AK8: variants seen among roughly 807,000 people sequenced by gnomAD.
AK8 encodes the protein ATP-AMP transphosphorylase 8.
Under a neutral mutation model 54.6 loss-of-function variants are expected in AK8, and 44 were observed. The observed-to-expected ratio is 0.81, with a 90% CI of 0.63 to 1.04. AK8 has a LOEUF of 1.04. Among genes scored for constraint, AK8 ranks in the 50% least tolerant of loss-of-function variants. The pLI is 0.00. For missense variants in AK8, 555 were observed against 613.6 expected (o/e 0.90, Z 1.01); for synonymous variants, 239 against 245.6 (o/e 0.97, Z 0.25).
intron 10 of AK8, among the ~76,000 whole-genome samples, chr9:132,813,668 G>A (rs1057345986): frequency 1.1e-4 from 16 of 152,174 alleles, no homozygotes; most frequent in African/African-American, 2.7e-4. Context: ...AAGCCCAGCC[G>A]CCAACTGGCT....
At chr9:132,865,631 G>A (rs1168945306) in intron 3 of AK8, among the ~76,000 whole-genome samples, 1 of 151,962 alleles carries the variant, frequency 6.6e-6, no homozygotes, top group African/African-American at 2.4e-5. Flanking sequence ...TGGCCAACAT[G>A]GTGAAACCCC....
chr9:132,766,637 G>GA (rs558196057), intron 11 of AK8, among the ~76,000 whole-genome samples: 2,052 of 146,490 alleles, frequency 0.014, 27 homozygotes, highest in Non-Finnish European at 0.02. Context: ...CACAGAAATA[G>GA]AAAAAAAAAA....
rs956965844 is a variant in AK8 at position 132,823,152 on chromosome 9, G to A, written c.889+53C>T. ...AAATGAGAGCTGGGGAGGAGGGGCA[G>A]GAGGCAGGGAAAGGCTCTCGAAGCT... On this transcript the variant is annotated intron_variant, in intron 9 of 12. Transcript: ENST00000298545. 1.7e-5 allele frequency: 26 copies of A among 1,501,236 alleles called. No homozygotes were observed. In the African/African-American group the frequency reaches 3.6e-4, roughly 21 times the overall value. The allele number at this position is 1,501,236 out of a possible 1,614,324, so 93.0% of individuals were successfully genotyped here. A position where few individuals can be genotyped will look rare whatever the true frequency, so the allele number is the denominator to read the frequency against.
At chr9:132,851,042 G>A (rs1307717386) in intron 5 of AK8, among the ~76,000 whole-genome samples, 2 of 152,206 alleles carry the variant, frequency 1.3e-5, no homozygotes, top group African/African-American at 4.8e-5. Flanking sequence ...AAGTTACCCA[G>A]TAGTAGGCAA....
At chr9:132,727,577 G>C (rs780768256) in intron 11 of AK8, 43 bp from the exon 12 acceptor site, 65 of 1,566,724 alleles carry the variant, frequency 4.1e-5, no homozygotes, top group Non-Finnish European at 5.4e-5. Context: ...TTTATTTCCT[G>C]TATTTTATGA....
rs114886664 is a variant in AK8, at chr9:132,779,728, T to C, written c.1121+12906A>G. The stretch of plus-strand genomic sequence containing the variant: ...AGAGATTATTGTCCCATTTAACAGA[T>C]AAGGAAATTGACGTTAAATGTGTCT... On this transcript the variant is annotated intron_variant, in intron 11 of 12. Transcript: ENST00000298545. Among the ~76,000 whole-genome samples, 420 of 152,302 alleles carry C rather than the reference T, an allele frequency of 2.8e-3. 3 individuals are homozygous for C. The highest frequency in any genetic ancestry group is 9.3e-3 in the African/African-American group (388 of 41,546).
At chr9:132,814,254 G>T (rs903946241) in intron 10 of AK8, among the ~76,000 whole-genome samples, 5 of 118,900 alleles carry the variant, frequency 4.2e-5, no homozygotes, top group Non-Finnish European at 6.5e-5. Flanking sequence ...ACTCCAGTCT[G>T]AGTGACAGAT....
chr9:132,804,226 C>T (rs1368727363), intron 10 of AK8, among the ~76,000 whole-genome samples: 2 of 152,106 alleles, frequency 1.3e-5, no homozygotes, highest in African/African-American at 4.8e-5. Context: ...CTGGGATTGT[C>T]CACACCACAG....
intron 12 of AK8, among the ~76,000 whole-genome samples, chr9:132,727,040 C>T (rs1836608310): frequency 6.6e-6 from 1 of 152,040 alleles, no homozygotes; most frequent in Non-Finnish European, 1.5e-5. Flanking sequence ...CGGAATCTAC[C>T]TCCTGTAACT....
chr9:132,852,502 C>T (rs560225588), intron 5 of AK8, among the ~76,000 whole-genome samples: 4 of 151,270 alleles, frequency 2.6e-5, no homozygotes, highest in Admixed American at 6.6e-5. Flanking sequence ...CCCAGCTACT[C>T]GGGAGGATGA....
chr9:132,762,227 C>T (rs1590210432), intron 11 of AK8, among the ~76,000 whole-genome samples: 1 of 152,090 alleles, frequency 6.6e-6, no homozygotes. Context: ...ATTAATTTTG[C>T]CAAGGAATCC....
intron 2 of AK8, among the ~76,000 whole-genome samples, chr9:132,868,514 C>T (rs534399703): frequency 6.6e-6 from 1 of 152,290 alleles, no homozygotes; most frequent in African/African-American, 2.4e-5. Context: ...CCCAGCCTCC[C>T]ACTCCTTCTC....
chr9:132,740,074 C>A (rs758581596), intron 11 of AK8, among the ~76,000 whole-genome samples: 1 of 152,206 alleles, frequency 6.6e-6, no homozygotes, highest in Admixed American at 6.5e-5. Flanking sequence ...TCCTTAAATG[C>A]GGAAGAGAAG....
chr9:132,791,161 G>A lies in AK8; in HGVS notation c.1121+1473C>T, dbSNP rs1349857643. ...GTTCCACATGGCTGGGGAGGCCTCAGGAAACTTACAGTCATGGCAAAAGGT... is the reference window on the plus strand; with the variant it reads ...GTTCCACATGGCTGGGGAGGCCTCAAGAAACTTACAGTCATGGCAAAAGGT... On this transcript the variant is annotated intron_variant, in intron 11 of 12. Coordinates refer to ENST00000298545, the MANE Select transcript of AK8 (RefSeq NM_152572.3). This position sits in a 1 kb window ranked among gnomAD's most constrained non-coding sequence, Gnocchi z 4.0. Among the ~76,000 whole-genome samples, 1 of 152,162 alleles carries A rather than the reference G, an allele frequency of 6.6e-6. No individual in the cohort carries two copies. The highest frequency in any genetic ancestry group is 1.5e-5 in the Non-Finnish European group (1 of 68,018).
Position 132,781,646 on chromosome 9 carries a change from T to C in AK8, c.1121+10988A>G, listed in dbSNP as rs780999293. ...GCCTTTGTAGATTTTCATATCTGAATTATAGATTTCTGTATCGTATTCCCA... is the reference window on the plus strand; with the variant it reads ...GCCTTTGTAGATTTTCATATCTGAACTATAGATTTCTGTATCGTATTCCCA... On this transcript the variant is annotated intron_variant, in intron 11 of 12. Transcript: ENST00000298545. The surrounding 1 kb of genome is among the most constrained non-coding windows in gnomAD (Gnocchi z 4.6). 4.6e-5 allele frequency among the ~76,000 whole-genome samples: 7 copies of C among 152,338 alleles called. No individual in the cohort carries two copies. Among genetic ancestry groups the C allele is most frequent in the Admixed American group, 2.6e-4 (4 of 15,308 alleles).
chr9:132,757,620 G>C (rs1838252325), intron 11 of AK8, among the ~76,000 whole-genome samples: 1 of 152,154 alleles, frequency 6.6e-6, no homozygotes, highest in Admixed American at 6.5e-5. Context: ...CACTTTGCAA[G>C]TGAAGAAACT....
intron 11 of AK8, among the ~76,000 whole-genome samples, chr9:132,774,196 C>A (rs990826451): frequency 5.3e-5 from 8 of 152,052 alleles, no homozygotes; most frequent in African/African-American, 1.7e-4. Flanking sequence ...ACAATGCCAG[C>A]GCCCCTGGAT....
intron 11 of AK8, among the ~76,000 whole-genome samples, chr9:132,772,367 T>C (rs1349952056): frequency 6.6e-6 from 1 of 152,180 alleles, no homozygotes; most frequent in Non-Finnish European, 1.5e-5. Context: ...ACACAGGGCC[T>C]TTAAAGAGGT....
chr9:132,854,649 AC>A (rs1564440489), intron 5 of AK8, among the ~76,000 whole-genome samples: 1 of 152,120 alleles, frequency 6.6e-6, no homozygotes, highest in Non-Finnish European at 1.5e-5. Flanking sequence ...TCCTACGGGA[AC>A]CCTGACCGAT....
Sources: allele counts gnomAD v4.1 joint callset (sites outside exome capture counted in the v4.1 genomes callset), GRCh38; gene constraint gnomAD v4.1.1; non-coding constraint Gnocchi (gnomAD v3.1); transcripts MANE v1.5; gene names NCBI Gene and HGNC (gene_info 2026-07-23, HGNC 2026-07-21).